Variants in GPC5 observed in about 807,000 individuals in gnomAD.
GPC5 encodes the protein glypican 5, also known as glypican-5.
Under a neutral mutation model 53.9 loss-of-function variants are expected in GPC5, and 47 were observed. The ratio of observed to expected loss-of-function variants is 0.87; its 90% CI spans 0.69 to 1.11. The LOEUF (loss-of-function observed/expected upper bound fraction) is 1.11, where lower values mean the gene tolerates loss of function less well. Ranked by LOEUF, GPC5 falls within the 50% of genes most tolerant of loss-of-function variation. GPC5 has a pLI of 0.00. For synonymous variants in GPC5, 286 were observed against 263.3 expected, an observed-to-expected ratio of 1.09 and a Z score of -0.84; for missense variants, 748 against 713.1, an observed-to-expected ratio of 1.05 and a Z score of -0.56.
At chr13:91,591,288 A>G (rs1262567361) in intron 2 of GPC5, among the ~76,000 whole-genome samples, 3 of 152,090 alleles carry the variant, frequency 2.0e-5, no homozygotes, top group Non-Finnish European at 2.9e-5. Context: ...ATCTCTTCCA[A>G]TTCTGCTGAG....
chr13:92,127,959 A>G (rs988758253), intron 6 of GPC5, among the ~76,000 whole-genome samples: 2 of 152,190 alleles, frequency 1.3e-5, no homozygotes, highest in African/African-American at 4.8e-5. Context: ...TTTGCGATGA[A>G]ATAAGACAAT....
chr13:91,632,407 A>G (rs890537323), intron 2 of GPC5, among the ~76,000 whole-genome samples: 1 of 152,114 alleles, frequency 6.6e-6, no homozygotes, highest in Non-Finnish European at 1.5e-5. Context: ...TGATAGTTTG[A>G]GTCTAAGATT....
At chr13:92,502,836 A>G (rs1009527255) in intron 7 of GPC5, among the ~76,000 whole-genome samples, 1 of 151,992 alleles carries the variant, frequency 6.6e-6, no homozygotes, top group African/African-American at 2.4e-5. Flanking sequence ...TGTGACATCA[A>G]TCAATCAATT....
intron 7 of GPC5, among the ~76,000 whole-genome samples, chr13:92,275,000 G>C (rs1451450878): frequency 6.6e-6 from 1 of 152,070 alleles, no homozygotes; most frequent in East Asian, 1.9e-4. Flanking sequence ...GATTTATATA[G>C]AGACTATCTT....
At chr13:92,212,362 T>C (rs2042381479) in intron 7 of GPC5, among the ~76,000 whole-genome samples, 1 of 152,164 alleles carries the variant, frequency 6.6e-6, no homozygotes, top group African/African-American at 2.4e-5. Context: ...TATTTTTATT[T>C]ACAGTATATT....
At chr13:92,076,480 C>T (rs2041253236) in intron 6 of GPC5, among the ~76,000 whole-genome samples, 1 of 151,976 alleles carries the variant, frequency 6.6e-6, no homozygotes, top group Admixed American at 6.6e-5. Flanking sequence ...ATTCATGAGC[C>T]ACAGGTTGAA....
At chr13:91,497,940 C>T (rs1304356785) in intron 2 of GPC5, among the ~76,000 whole-genome samples, 1 of 152,028 alleles carries the variant, frequency 6.6e-6, no homozygotes, top group East Asian at 1.9e-4. Context: ...CTTTGTGTTA[C>T]AAACAATCCA....
chr13:92,756,410 A>G (rs1443659533), intron 7 of GPC5, among the ~76,000 whole-genome samples: 2 of 151,592 alleles, frequency 1.3e-5, no homozygotes, highest in Non-Finnish European at 3.0e-5. Flanking sequence ...ATTCCCTTTG[A>G]AAACTGGCAC....
intron 5 of GPC5, among the ~76,000 whole-genome samples, chr13:91,795,923 C>A (rs917665311): frequency 6.6e-6 from 1 of 152,146 alleles, no homozygotes; most frequent in Non-Finnish European, 1.5e-5. Flanking sequence ...ATAATGATTT[C>A]TTTACTTCCA....
rs77839049 is a variant in GPC5, at chr13:91,545,586, T to C, written c.325+96664T>C. ...CTGTATCTACCCTTTTATCATATTT[T>C]AAGGTGCACAATACATTGTTACTGA... On this transcript the variant is annotated intron_variant, in intron 2 of 7. Coordinates refer to ENST00000377067, the MANE Select transcript of GPC5 (RefSeq NM_004466.6). 7.0e-3 allele frequency among the ~76,000 whole-genome samples: 1,066 copies of C among 152,278 alleles called. 6 individuals are homozygous for C. The highest frequency in any genetic ancestry group is 0.015 in the African/African-American group (621 of 41,558).
chr13:92,719,506 T>G (rs1191749701), intron 7 of GPC5, among the ~76,000 whole-genome samples: 2 of 152,176 alleles, frequency 1.3e-5, no homozygotes, highest in Admixed American at 6.6e-5. Context: ...CATTAAAGGA[T>G]CTAAACATAA....
chr13:92,380,533 C>A (rs933976998), intron 7 of GPC5, among the ~76,000 whole-genome samples: 49 of 151,840 alleles, frequency 3.2e-4, no homozygotes, highest in African/African-American at 1.1e-3. Flanking sequence ...TGGAACCAAC[C>A]CAAATGTCCA....
rs9589347 is a variant in GPC5 at position 91,730,149 on chromosome 13, T to C, written c.1154+1484T>C. Among the ~76,000 whole-genome samples the C allele has an allele frequency of 2.8e-3, 430 of 152,310 alleles. 1 individual carries two copies. The highest frequency in any genetic ancestry group is 9.8e-3 in the African/African-American group (409 of 41,570). ...CATAGGAACTGCACATGAGTCCACT[T>C]ATGCATTTCAATTTTACACTAATTT... On this transcript the variant is annotated intron_variant, in intron 4 of 7. Coordinates refer to ENST00000377067, the MANE Select transcript of GPC5 (RefSeq NM_004466.6).
intron 7 of GPC5, among the ~76,000 whole-genome samples, chr13:92,672,140 G>A (rs1269271035): frequency 1.3e-5 from 2 of 151,972 alleles, no homozygotes; most frequent in East Asian, 1.9e-4. Context: ...TACTCCCAGC[G>A]AGCTAAATTT....
intron 1 of GPC5, among the ~76,000 whole-genome samples, chr13:91,404,145 G>A (rs1196643270): frequency 6.6e-6 from 1 of 152,110 alleles, no homozygotes; most frequent in Non-Finnish European, 1.5e-5. Context: ...GTACATGTAT[G>A]TGTGTGTGTA....
intron 7 of GPC5, among the ~76,000 whole-genome samples, chr13:92,363,175 G>A (rs1490664966): frequency 6.6e-6 from 1 of 151,632 alleles, no homozygotes; most frequent in Non-Finnish European, 1.5e-5. Flanking sequence ...GTGTTGGGGG[G>A]ACACTTAAAA....
chr13:92,396,767 T>C (rs1875298429), intron 7 of GPC5, among the ~76,000 whole-genome samples: 1 of 152,202 alleles, frequency 6.6e-6, no homozygotes, highest in African/African-American at 2.4e-5. Flanking sequence ...TTCTATAATC[T>C]TATAATAAAA....
At chr13:91,490,022 C>A (rs1430681380) in intron 2 of GPC5, among the ~76,000 whole-genome samples, 1 of 152,056 alleles carries the variant, frequency 6.6e-6, no homozygotes, top group African/African-American at 2.4e-5. Context: ...TTTTGTATAC[C>A]CACTTGTTCT....
chr13:92,581,439 A>G (rs1237873645), intron 7 of GPC5, among the ~76,000 whole-genome samples: 1 of 152,176 alleles, frequency 6.6e-6, no homozygotes, highest in Non-Finnish European at 1.5e-5. Flanking sequence ...CATTATGTAT[A>G]TATACCACAT....
Sources: gnomAD v4.1 joint callset for allele counts (sites outside exome capture counted in the v4.1 genomes callset) on GRCh38, gnomAD v4.1.1 for gene constraint, MANE v1.5 for transcripts, NCBI Gene and HGNC (gene_info 2026-07-23, HGNC 2026-07-21) for gene names.